RBFOX3: variants seen among roughly 807,000 people sequenced by gnomAD.
The protein encoded by RBFOX3 is RNA binding protein fox-1 homolog 3.
Under a neutral mutation model 48.7 loss-of-function variants are expected in RBFOX3, and 17 were observed. The ratio of observed to expected loss-of-function variants is 0.35; its 90% CI spans 0.24 to 0.52. RBFOX3 has a LOEUF of 0.52. Among genes scored for constraint, RBFOX3 ranks in the 20% least tolerant of loss-of-function variants. The pLI is 0.94. For synonymous variants in RBFOX3, 212 were observed against 209.5 expected, an observed-to-expected ratio of 1.01 and a Z score of -0.10; for missense variants, 382 against 497.5, an observed-to-expected ratio of 0.77 and a Z score of 2.21.
At chr17:79,629,220 C>T in the RBFOX3 span, among the ~76,000 whole-genome samples, 1 of 152,170 alleles carries the variant, frequency 6.6e-6, no homozygotes, top group Admixed American at 6.5e-5. Context: ...TATAGGGTGG[C>T]TTTGCCATCT....
At chr17:79,097,664 C>T in intron 10 of RBFOX3, 28 bp downstream of exon 10, 3 of 1,261,552 alleles carry the variant, frequency 2.4e-6, no homozygotes, top group Non-Finnish European at 3.3e-6. Context: ...CTGGTCTCAT[C>T]CCATCCCCGC....
At chr17:79,209,873 T>C (rs1243114144) in intron 4 of RBFOX3, among the ~76,000 whole-genome samples, 1 of 151,858 alleles carries the variant, frequency 6.6e-6, no homozygotes, top group Non-Finnish European at 1.5e-5. Flanking sequence ...GGTGGCCGCC[T>C]GTAGTCCCAG....
intron 2 of RBFOX3, among the ~76,000 whole-genome samples, chr17:79,460,591 C>T (rs890349405): frequency 1.3e-5 from 2 of 152,198 alleles, no homozygotes; most frequent in Non-Finnish European, 1.5e-5. Flanking sequence ...CTGAAGTTCA[C>T]GTGTTGAAAA....
At chr17:79,665,520 A>T in the RBFOX3 span, among the ~76,000 whole-genome samples, 2 of 151,662 alleles carry the variant, frequency 1.3e-5, no homozygotes, top group African/African-American at 4.8e-5. Flanking sequence ...TTGCCCAAGT[A>T]TAAGTGGGGC....
In RBFOX3 at chr17:79,495,796, G is replaced by C. The variant is rs1186623807; in HGVS notation, c.-319-13198C>G. Among the ~76,000 whole-genome samples, 3 of 151,576 alleles carry C rather than the reference G, an allele frequency of 2.0e-5. No individual in the cohort carries two copies. In the East Asian group the frequency reaches 5.9e-4, roughly 30 times the overall value. ...GAGGGGTGCAGACATCCACAGTCTG[G>C]GTGCAGGTGTAGGGTGGCAGAAGGT... On this transcript the variant is annotated intron_variant, in intron 1 of 14. Coordinates refer to ENST00000693108, the MANE Select transcript of RBFOX3 (RefSeq NM_001350451.2).
At chr17:79,253,911 C>T (rs2148326612) in intron 3 of RBFOX3, among the ~76,000 whole-genome samples, 1 of 152,342 alleles carries the variant, frequency 6.6e-6, no homozygotes, top group South Asian at 2.1e-4. Flanking sequence ...GGTTGGACAC[C>T]CTGCCTGAGG....
chr17:79,441,012 G>A (rs1050895419), intron 2 of RBFOX3, among the ~76,000 whole-genome samples: 2 of 152,260 alleles, frequency 1.3e-5, no homozygotes, highest in Non-Finnish European at 1.5e-5. Context: ...TTGGGCCCAG[G>A]GGCAGCTTTG....
At chr17:79,154,525 C>T (rs1439383727) in intron 4 of RBFOX3, among the ~76,000 whole-genome samples, 3 of 152,214 alleles carry the variant, frequency 2.0e-5, no homozygotes, top group Non-Finnish European at 4.4e-5. Context: ...AAGTCGGGCG[C>T]CTGTGCTGAA....
chr17:79,152,459 G>C (rs1195724490), intron 4 of RBFOX3, among the ~76,000 whole-genome samples: 1 of 12,912 alleles, frequency 7.7e-5, no homozygotes, highest in South Asian at 2.1e-3. Flanking sequence ...GGACTAGGGT[G>C]GGGGGGTATC....
chr17:79,650,909 C>T, the RBFOX3 span, among the ~76,000 whole-genome samples: 1 of 152,212 alleles, frequency 6.6e-6, no homozygotes, highest in South Asian at 2.1e-4. Flanking sequence ...GATGGCTCTG[C>T]CTCTCGTGGG....
chr17:79,440,958 T>C (rs927362348), intron 2 of RBFOX3, among the ~76,000 whole-genome samples: 1 of 152,180 alleles, frequency 6.6e-6, no homozygotes. Context: ...ATCAGAGACA[T>C]GCATAGTTGC....
chr17:79,263,130 C>T (rs957225513), intron 3 of RBFOX3, among the ~76,000 whole-genome samples: 10 of 152,220 alleles, frequency 6.6e-5, no homozygotes, highest in African/African-American at 9.6e-5. Context: ...CAGGGCCCCG[C>T]GAAGCCACCC....
intron 2 of RBFOX3, among the ~76,000 whole-genome samples, chr17:79,369,443 C>A (rs1598410009): frequency 6.6e-6 from 1 of 152,124 alleles, no homozygotes; most frequent in South Asian, 2.1e-4. Context: ...GCTGTTTTCA[C>A]CCCCAGAACT....
At chr17:79,531,857 C>A (rs1243342731) in intron 1 of RBFOX3, among the ~76,000 whole-genome samples, 1 of 152,250 alleles carries the variant, frequency 6.6e-6, no homozygotes, top group Non-Finnish European at 1.5e-5. Context: ...GACTCACCTT[C>A]ATCTGGGATG....
chr17:79,089,835 G>A lies in RBFOX3; in HGVS notation c.*1048C>T, dbSNP rs1463984469. 2.0e-5 allele frequency: 3 copies of A among 152,624 alleles called. No individual in the cohort carries two copies. The highest frequency in any genetic ancestry group is 4.8e-5 in the African/African-American group (2 of 41,564). The allele number at this position is 152,624 out of a possible 1,614,324, so 9.5% of individuals were successfully genotyped here. ...CCCGCCACCTGGACACCTGCCTTGGGAGCAGGGAAGGGGCCGGCCCAGGCT... is the reference window on the plus strand; with the variant it reads ...CCCGCCACCTGGACACCTGCCTTGGAAGCAGGGAAGGGGCCGGCCCAGGCT... On this transcript the variant is annotated 3_prime_UTR_variant, in exon 15 of 15. Coordinates refer to ENST00000693108, the MANE Select transcript of RBFOX3 (RefSeq NM_001350451.2).
the RBFOX3 span, among the ~76,000 whole-genome samples, chr17:79,621,855 G>C: frequency 8.9e-4 from 133 of 149,682 alleles, no homozygotes; most frequent in African/African-American, 3.2e-3. Context: ...GCTCTCACCC[G>C]TGTGAAGACA....
intron 4 of RBFOX3, among the ~76,000 whole-genome samples, chr17:79,155,973 C>T (rs901765067): frequency 6.6e-5 from 10 of 152,204 alleles, no homozygotes; most frequent in African/African-American, 2.4e-4. Context: ...CAGGGCCTCT[C>T]GGGGAGGCCC....
chr17:79,234,201 C>G (rs2061367658), intron 4 of RBFOX3: 1 of 152,244 alleles, frequency 6.6e-6, no homozygotes, highest in Non-Finnish European at 1.5e-5. Context: ...AAGGGGACCC[C>G]CTGGGCTCTG....
chr17:79,518,645 T>C (rs1165869725), intron 1 of RBFOX3, among the ~76,000 whole-genome samples: 1 of 152,202 alleles, frequency 6.6e-6, no homozygotes, highest in African/African-American at 2.4e-5. Context: ...GAACAGCCCC[T>C]GGGAGGAGGA....
Sources: allele counts gnomAD v4.1 joint callset (sites outside exome capture counted in the v4.1 genomes callset), GRCh38; gene constraint gnomAD v4.1.1; transcripts MANE v1.5; gene names NCBI Gene and HGNC (gene_info 2026-07-23, HGNC 2026-07-21).